Variants in CACNA2D3 observed in about 807,000 individuals in gnomAD.
CACNA2D3 encodes calcium voltage-gated channel auxiliary subunit alpha2delta 3.
In CACNA2D3, 60 loss-of-function variants were observed where a neutral mutation model predicts 160.6. The observed-to-expected ratio is 0.37, with a 90% CI of 0.30 to 0.46. The LOEUF (loss-of-function observed/expected upper bound fraction) is 0.46. Among genes scored for constraint, CACNA2D3 ranks in the 20% least tolerant of loss-of-function variants. The pLI is 1.00. For missense variants in CACNA2D3, 1,205 were observed against 1,365.0 expected (o/e 0.88, Z 1.85); for synonymous variants, 558 against 492.9 (o/e 1.13, Z -1.75).
At chr3:54,409,191 C>T (rs1699625497) in intron 4 of CACNA2D3, among the ~76,000 whole-genome samples, 1 of 152,174 alleles carries the variant, frequency 6.6e-6, no homozygotes, top group African/African-American at 2.4e-5. Flanking sequence ...CACATGCTCA[C>T]GTCATGTCTT....
intron 11 of CACNA2D3, among the ~76,000 whole-genome samples, chr3:54,738,614 G>C (rs1701578384): frequency 6.6e-6 from 1 of 152,128 alleles, no homozygotes; most frequent in Admixed American, 6.5e-5. Context: ...GTTCCTCTTG[G>C]TTTGCATTTC....
chr3:54,976,264 G>A (rs114033521), intron 29 of CACNA2D3, among the ~76,000 whole-genome samples: 2,550 of 147,880 alleles, frequency 0.017, 63 homozygotes, highest in African/African-American at 0.06. Flanking sequence ...TCACTTGTGT[G>A]TGTGTGACCT....
intron 9 of CACNA2D3, among the ~76,000 whole-genome samples, chr3:54,587,949 A>C (rs1702792952): frequency 6.6e-6 from 1 of 152,232 alleles, no homozygotes. Flanking sequence ...GAAAAATAGA[A>C]GAGTAAGGAA....
intron 2 of CACNA2D3, among the ~76,000 whole-genome samples, chr3:54,176,520 A>G (rs771387338): frequency 3.3e-5 from 5 of 152,186 alleles, no homozygotes; most frequent in Non-Finnish European, 7.3e-5. Context: ...GTGTGCTCCT[A>G]CTAAAGCTGA....
At chr3:55,011,461 C>T (rs1404655838) in intron 34 of CACNA2D3, among the ~76,000 whole-genome samples, 1 of 152,162 alleles carries the variant, frequency 6.6e-6, no homozygotes, top group Non-Finnish European at 1.5e-5. Flanking sequence ...ATCGCAAATA[C>T]TGGTAACTCT....
Position 54,246,475 on chromosome 3 carries a change from C to A in CACNA2D3, c.205-73967C>A, listed in dbSNP as rs573187425. ...TGGGAGGCCAAGGTGGGTGGATCACCTGAGGTCAGGAGGTCAAGACCAGCC... is the reference window on the plus strand; with the variant it reads ...TGGGAGGCCAAGGTGGGTGGATCACATGAGGTCAGGAGGTCAAGACCAGCC... On this transcript the variant is annotated intron_variant, in intron 2 of 37. Transcript: ENST00000474759. Among the ~76,000 whole-genome samples the A allele has an allele frequency of 7.2e-5, 11 of 152,234 alleles. No homozygotes were observed. The East Asian group carries it at 2.1e-3, about 29-fold the overall frequency.
At chr3:54,240,486 A>C (rs1701955257) in intron 2 of CACNA2D3, among the ~76,000 whole-genome samples, 1 of 152,148 alleles carries the variant, frequency 6.6e-6, no homozygotes, top group South Asian at 2.1e-4. Flanking sequence ...TTTCTTTGTG[A>C]GAGGCACCTA....
chr3:54,783,990 T>C (rs1702582277), intron 13 of CACNA2D3, among the ~76,000 whole-genome samples: 1 of 152,208 alleles, frequency 6.6e-6, no homozygotes, highest in Non-Finnish European at 1.5e-5. Flanking sequence ...CTGCTGTCAG[T>C]ATGTCAAAAA....
intron 4 of CACNA2D3, among the ~76,000 whole-genome samples, chr3:54,400,171 GCA>G (rs1224569680): frequency 8.2e-5 from 12 of 145,546 alleles, no homozygotes; most frequent in Admixed American, 8.2e-4. Context: ...CGCACGGTGC[GCA>G]CACACACTGG....
chr3:54,276,839 A>G (rs1702753051), intron 2 of CACNA2D3, among the ~76,000 whole-genome samples: 1 of 152,214 alleles, frequency 6.6e-6, no homozygotes, highest in Non-Finnish European at 1.5e-5. Flanking sequence ...TCTCTAGGCT[A>G]GAGCTACACC....
At chr3:54,352,132 A>G (rs749530081) in intron 3 of CACNA2D3, among the ~76,000 whole-genome samples, 1 of 152,170 alleles carries the variant, frequency 6.6e-6, no homozygotes, top group Non-Finnish European at 1.5e-5. Context: ...ACTTGGCACA[A>G]TGGAAAGTCA....
At chr3:54,150,701 T>C (rs938750836) in intron 2 of CACNA2D3, among the ~76,000 whole-genome samples, 6 of 152,186 alleles carry the variant, frequency 3.9e-5, no homozygotes, top group African/African-American at 1.4e-4. Flanking sequence ...AAGTCATACA[T>C]GAAAACAAAA....
At position 54,483,784 on chromosome 3, in the gene CACNA2D3, C is replaced by T. The variant is rs532872413; in HGVS notation, c.382-19708C>T. 1.1e-4 allele frequency among the ~76,000 whole-genome samples: 16 copies of T among 152,260 alleles called. 1 individual carries two copies. The South Asian group carries it at 3.1e-3, about 30-fold the overall frequency. ...TTTTTGTTTCCTTGACTTATGACTT[C>T]TCATTTCTGTAACTTATTGTAATTC... On this transcript the variant is annotated intron_variant, in intron 4 of 37. Transcript: ENST00000474759.
intron 4 of CACNA2D3, among the ~76,000 whole-genome samples, chr3:54,483,971 G>A (rs1700974234): frequency 6.6e-6 from 1 of 152,192 alleles, no homozygotes; most frequent in African/African-American, 2.4e-5. Flanking sequence ...AGTAAGCACT[G>A]AAATTGTTCA....
intron 13 of CACNA2D3, among the ~76,000 whole-genome samples, chr3:54,764,691 A>G (rs981504685): frequency 2.6e-5 from 4 of 152,174 alleles, no homozygotes; most frequent in African/African-American, 9.6e-5. Context: ...TCCTCACCAT[A>G]TATGAGCCCC....
chr3:54,932,355 G>A (rs188449095), intron 27 of CACNA2D3, among the ~76,000 whole-genome samples: 1,566 of 148,300 alleles, frequency 0.011, 35 homozygotes, highest in African/African-American at 0.039. Flanking sequence ...ATAAATACGC[G>A]TTGGTTTGTC....
At chr3:54,589,700 A>T (rs1219582854) in intron 9 of CACNA2D3, among the ~76,000 whole-genome samples, 1 of 152,182 alleles carries the variant, frequency 6.6e-6, no homozygotes, top group Non-Finnish European at 1.5e-5. Flanking sequence ...AATTCTTAAA[A>T]CTCAACAATA....
intron 5 of CACNA2D3, among the ~76,000 whole-genome samples, chr3:54,534,940 T>C (rs538175384): frequency 6.6e-6 from 1 of 152,152 alleles, no homozygotes; most frequent in Non-Finnish European, 1.5e-5. Context: ...AAATAAACAA[T>C]ATAAGTAAAA....
At position 54,764,318 on chromosome 3, in the gene CACNA2D3, T is replaced by G; in HGVS notation, c.1347T>G (p.Asp449Glu). 6.2e-7 allele frequency: 1 copy of G among 1,613,870 alleles called. No individual in the cohort carries two copies. Among genetic ancestry groups the G allele is most frequent in the Non-Finnish European group, 8.5e-7 (1 of 1,179,834 alleles). ...CCAAAGTCATCGACCAGGAGCATGA[T>G]GTGGTGTGGACCGAAGCTTACATTG... ...SRPKVIDQEH[D>E]VVWTEAYIDS... Residue 449 changes from aspartate (D) to glutamate (E), a missense_variant, in exon 13 of 38, where the codon GAT (aspartate) becomes GAG (glutamate). Around this residue, in one of 3 missense-constraint regions of CACNA2D3, gnomAD observed 911 missense variants for 1,002.2 expected, o/e 0.91. Coordinates refer to ENST00000474759, the MANE Select transcript of CACNA2D3 (RefSeq NM_018398.3).
Sources: gnomAD v4.1 joint callset for allele counts (sites outside exome capture counted in the v4.1 genomes callset) on GRCh38, gnomAD v4.1.1 for gene constraint, gnomAD v4.1.1 regional missense constraint, MANE v1.5 for transcripts, NCBI Gene and HGNC (gene_info 2026-07-23, HGNC 2026-07-21) for gene names.